DSCAM: variants seen among roughly 807,000 people sequenced by gnomAD.
DSCAM encodes cell adhesion molecule DSCAM.
In DSCAM, 47 loss-of-function variants were observed where a neutral mutation model predicts 217.7. The ratio of observed to expected loss-of-function variants is 0.22; its 90% confidence interval spans 0.17 to 0.28. DSCAM has a LOEUF of 0.28. DSCAM is among the 10% of genes least tolerant of loss of function. The pLI is 1.00. For missense variants in DSCAM, 2,080 were observed against 2,618.3 expected, an observed-to-expected ratio of 0.79 and a Z score of 4.49; for synonymous variants, 1,056 against 1,015.3, an observed-to-expected ratio of 1.04 and a Z score of -0.76.
intron 20 of DSCAM, among the ~76,000 whole-genome samples, chr21:40,096,295 A>G (rs113510002): frequency 3.4e-4 from 52 of 152,222 alleles, no homozygotes; most frequent in Middle Eastern, 6.8e-3. Context: ...CCAATGTTAA[A>G]AAATTGGTTG....
In DSCAM at chr21:40,640,836, C is replaced by A. The variant is rs573817327; in HGVS notation, c.508+51974G>T. Among the ~76,000 whole-genome samples, 14 of 150,934 alleles carry A rather than the reference C, an allele frequency of 9.3e-5. 1 individual carries two copies. In the South Asian group the frequency reaches 2.5e-3, roughly 27 times the overall value. On this transcript the variant is annotated intron_variant, in intron 3 of 32. Coordinates refer to ENST00000400454, the MANE Select transcript of DSCAM (RefSeq NM_001389.5). ...TCCTCTCTGCCACACTCACACCCCA[C>A]ACACACAAAAACACCACACGCACAC... is the stretch of plus-strand genomic sequence containing the variant.
chr21:40,108,243 GA>G (rs2089846840), intron 20 of DSCAM, among the ~76,000 whole-genome samples: 1 of 152,204 alleles, frequency 6.6e-6, no homozygotes, highest in African/African-American at 2.4e-5. Flanking sequence ...TAGATGGCAT[GA>G]TTCCATATCT....
intron 30 of DSCAM, among the ~76,000 whole-genome samples, chr21:40,044,910 C>T (rs1452016141): frequency 1.3e-5 from 2 of 152,150 alleles, no homozygotes; most frequent in Non-Finnish European, 2.9e-5. Context: ...AAGACATGTT[C>T]ATGTCCTAAC....
intron 3 of DSCAM, among the ~76,000 whole-genome samples, chr21:40,650,050 G>A (rs1601821746): frequency 1.3e-5 from 2 of 152,322 alleles, no homozygotes; most frequent in Non-Finnish European, 2.9e-5. Context: ...TATTGCAGGG[G>A]TGAAGGAGCA....
chr21:40,816,756 T>A (rs990266337), intron 1 of DSCAM, among the ~76,000 whole-genome samples: 1 of 152,214 alleles, frequency 6.6e-6, no homozygotes. Context: ...TGGGTTGTCT[T>A]CAAAATGAAT....
At chr21:40,075,692 T>A (rs2089357064) in intron 26 of DSCAM, among the ~76,000 whole-genome samples, 1 of 152,310 alleles carries the variant, frequency 6.6e-6, no homozygotes, top group East Asian at 1.9e-4. Context: ...CCCTTGTGAT[T>A]AGGTAATTTG....
At chr21:40,667,926 C>A (rs1157087657) in intron 3 of DSCAM, among the ~76,000 whole-genome samples, 3 of 152,142 alleles carry the variant, frequency 2.0e-5, no homozygotes, top group African/African-American at 4.8e-5. Context: ...AATTTAATTT[C>A]TTTGGTTTGG....
At chr21:40,493,158 A>C (rs554026575) in intron 3 of DSCAM, among the ~76,000 whole-genome samples, 5 of 152,338 alleles carry the variant, frequency 3.3e-5, no homozygotes, top group African/African-American at 4.8e-5. Flanking sequence ...AATTGTATAC[A>C]AAATCTCTAT....
At chr21:40,714,012 C>G (rs1034822106) in intron 1 of DSCAM, among the ~76,000 whole-genome samples, 1 of 152,172 alleles carries the variant, frequency 6.6e-6, no homozygotes, top group East Asian at 1.9e-4. Flanking sequence ...CTGGAAGGTA[C>G]TAATCATAAA....
intron 6 of DSCAM, 146 bp from the exon 7 acceptor site, chr21:40,339,561 T>A: frequency 1.3e-6 from 1 of 789,362 alleles, no homozygotes; most frequent in Non-Finnish European, 2.0e-6. Context: ...AGCAAAACGT[T>A]AATCAGAACA....
At chr21:40,371,908 C>T (rs1008137487) in intron 3 of DSCAM, among the ~76,000 whole-genome samples, 2 of 152,144 alleles carry the variant, frequency 1.3e-5, no homozygotes, top group African/African-American at 4.8e-5. Flanking sequence ...AAATTGCAAC[C>T]TCAGGCATAA....
At chr21:40,754,132 C>T (rs556041451) in intron 1 of DSCAM, among the ~76,000 whole-genome samples, 116 of 152,308 alleles carry the variant, frequency 7.6e-4, no homozygotes, top group African/African-American at 1.9e-3. Context: ...GGGGAGCAAC[C>T]GCACACCAGA....
chr21:40,326,172 C>T (rs942555691), intron 8 of DSCAM, among the ~76,000 whole-genome samples: 5 of 152,082 alleles, frequency 3.3e-5, no homozygotes, highest in Admixed American at 1.3e-4. Flanking sequence ...TAAAATAAAA[C>T]AAAATAAGGA....
At chr21:40,175,404 G>A (rs565139973) in intron 15 of DSCAM, among the ~76,000 whole-genome samples, 6 of 152,246 alleles carry the variant, frequency 3.9e-5, no homozygotes, top group East Asian at 1.9e-4. Flanking sequence ...GTGAACTACC[G>A]TGCCTGGCTC....
At chr21:40,572,122 G>A (rs1257599463) in intron 3 of DSCAM, among the ~76,000 whole-genome samples, 1 of 151,232 alleles carries the variant, frequency 6.6e-6, no homozygotes, top group Admixed American at 6.6e-5. Context: ...GTGTGTTTGT[G>A]TGTACATATA....
intron 1 of DSCAM, among the ~76,000 whole-genome samples, chr21:40,711,821 C>CA (rs997768102): frequency 5.9e-5 from 9 of 152,142 alleles, no homozygotes; most frequent in African/African-American, 2.2e-4. Flanking sequence ...CTTCTCCCTC[C>CA]ACTCATTCTG....
rs1352730061 is a variant in DSCAM at position 40,220,231 on chromosome 21, T to C, written c.2357-30993A>G. On this transcript the variant is annotated intron_variant, in intron 11 of 32. Coordinates refer to ENST00000400454, the MANE Select transcript of DSCAM (RefSeq NM_001389.5). ...CTTGTGTACACTTGAGGGAGAGTCA[T>C]TGTCTGTGTGTGGCCAGCTACCTCT... is the stretch of plus-strand genomic sequence containing the variant. 5.3e-5 allele frequency among the ~76,000 whole-genome samples: 8 copies of C among 152,280 alleles called. No individual in the cohort carries two copies. The South Asian group carries it at 1.0e-3, about 20-fold the overall frequency.
chr21:40,523,539 C>T (rs969862961), intron 3 of DSCAM, among the ~76,000 whole-genome samples: 11 of 152,128 alleles, frequency 7.2e-5, no homozygotes, highest in Admixed American at 5.9e-4. Context: ...GGTGGCTGAG[C>T]GGCCCAACTC....
intron 3 of DSCAM, among the ~76,000 whole-genome samples, chr21:40,381,062 CAAAAAAA>C (rs71186932): frequency 4.5e-5 from 3 of 66,222 alleles, no homozygotes; most frequent in Admixed American, 2.6e-4. Context: ...GACTCCGTCT[CAAAAAAA>C]AAAAAAAAAA....
Sources: allele counts gnomAD v4.1 joint callset (sites outside exome capture counted in the v4.1 genomes callset), GRCh38; gene constraint gnomAD v4.1.1; transcripts MANE v1.5; gene names NCBI Gene and HGNC (gene_info 2026-07-23, HGNC 2026-07-21).